AGPAT4: variants seen among roughly 807,000 people sequenced by gnomAD.
The protein encoded by AGPAT4 is 1-acylglycerol-3-phosphate O-acyltransferase 4.
AGPAT4 carries 15 observed loss-of-function variants against 48.0 expected under a neutral mutation model. The observed-to-expected ratio is 0.31, with a 90% confidence interval of 0.21 to 0.48. AGPAT4 has a LOEUF of 0.48. Ranked by LOEUF, AGPAT4 falls within the 20% of genes least tolerant of loss-of-function variation. AGPAT4 has a pLI of 0.99. For synonymous variants in AGPAT4, 178 were observed against 198.7 expected, an observed-to-expected ratio of 0.90 and a Z score of 0.88; for missense variants, 314 against 482.5, an observed-to-expected ratio of 0.65 and a Z score of 3.27.
rs1409292911 is a variant in AGPAT4, at chr6:161,148,536, TA to T, written c.767+650del. 6.6e-6 allele frequency among the ~76,000 whole-genome samples: 1 copy of T among 152,192 alleles called. No homozygotes were observed. Among genetic ancestry groups the T allele is most frequent in the African/African-American group, 2.4e-5 (1 of 41,448 alleles). On this transcript the variant is annotated intron_variant, in intron 6 of 8. Coordinates refer to ENST00000320285, the MANE Select transcript of AGPAT4 (RefSeq NM_020133.3). This position sits in a 1 kb window ranked among gnomAD's most constrained non-coding sequence, Gnocchi z 5.5. ...AGTGGGCATTTCAGATTCTCTTGATTAGCATTCAGAGAAGATGATCCACAGC... is the reference window on the plus strand; with the variant it reads ...AGTGGGCATTTCAGATTCTCTTGATTGCATTCAGAGAAGATGATCCACAGC...
At position 161,270,997 on chromosome 6, in the gene AGPAT4, G is replaced by T. The variant is rs1783405810; in HGVS notation, c.-90+2941C>A. Among the ~76,000 whole-genome samples, 2 of 152,176 alleles carry T rather than the reference G, an allele frequency of 1.3e-5. No homozygotes were observed. The highest frequency in any genetic ancestry group is 2.1e-4 in the South Asian group (1 of 4,824). ...GTTTCATACCTGTTTAAAGTCTAGT[G>T]TAAGTCTGGCCTTTCGTTGTTAAGC... On this transcript the variant is annotated intron_variant, in intron 1 of 8. Transcript: ENST00000320285. This position sits in a 1 kb window ranked among gnomAD's most constrained non-coding sequence, Gnocchi z 5.3.
intron 2 of AGPAT4, among the ~76,000 whole-genome samples, chr6:161,185,768 CG>C (rs1023671348): frequency 1.3e-5 from 2 of 152,126 alleles, no homozygotes; most frequent in African/African-American, 4.8e-5. Flanking sequence ...GCTTGGGCAC[CG>C]CTGCCTCTTC....
chr6:161,242,939 G>T lies in AGPAT4; in HGVS notation c.-89-10637C>A, dbSNP rs901566115. Reference sequence around the variant, plus strand: ...AAAAATTAGCCGGGCGTGGTGGCACGTGCCTCCCAGCTACTCGGGAGACTG... The same window carrying T: ...AAAAATTAGCCGGGCGTGGTGGCACTTGCCTCCCAGCTACTCGGGAGACTG... On this transcript the variant is annotated intron_variant, in intron 1 of 8. Transcript: ENST00000320285. This position sits in a 1 kb window ranked among gnomAD's most constrained non-coding sequence, Gnocchi z 5.0. Among the ~76,000 whole-genome samples, 2 of 152,008 alleles carry T rather than the reference G, an allele frequency of 1.3e-5. No individual in the cohort carries two copies. The highest frequency in any genetic ancestry group is 2.9e-5 in the Non-Finnish European group (2 of 68,002).
chr6:161,256,475 C>A (rs939725403), intron 1 of AGPAT4, among the ~76,000 whole-genome samples: 37 of 152,242 alleles, frequency 2.4e-4, no homozygotes, highest in African/African-American at 8.2e-4. Context: ...CAGCGCTGCT[C>A]TCTGCCGTGT....
In AGPAT4 at chr6:161,226,473, G is replaced by C. The variant is rs149444924; in HGVS notation, c.178+5563C>G. Among the ~76,000 whole-genome samples, 106 of 152,264 alleles carry C rather than the reference G, an allele frequency of 7.0e-4. 1 individual carries two copies. Among genetic ancestry groups the C allele is most frequent in the African/African-American group, 2.5e-3 (103 of 41,542 alleles). ...AAAGCCACAGCGACACTCTCTTTGG[G>C]GGATCAACAGCTTTCTTATCGAGAA... On this transcript the variant is annotated intron_variant, in intron 2 of 8. Transcript: ENST00000320285. This position sits in a 1 kb window ranked among gnomAD's most constrained non-coding sequence, Gnocchi z 6.3.
rs1937249972 is a variant in AGPAT4 at position 161,155,297 on chromosome 6, A to G, written c.349-987T>C. Among the ~76,000 whole-genome samples, 1 of 152,156 alleles carries G rather than the reference A, an allele frequency of 6.6e-6. No individual in the cohort carries two copies. The highest frequency in any genetic ancestry group is 1.5e-5 in the Non-Finnish European group (1 of 68,032). ...TTATCTGATGGATGTTTATCTTTTCACCTTAATTTTGGAACTGGCCAAGAT... is the reference window on the plus strand; with the variant it reads ...TTATCTGATGGATGTTTATCTTTTCGCCTTAATTTTGGAACTGGCCAAGAT... On this transcript the variant is annotated intron_variant, in intron 3 of 8. Coordinates refer to ENST00000320285, the MANE Select transcript of AGPAT4 (RefSeq NM_020133.3). This position sits in a 1 kb window ranked among gnomAD's most constrained non-coding sequence, Gnocchi z 5.8.
rs1196581196 is a variant in AGPAT4, at chr6:161,262,489, T to G, written c.-90+11449A>C. On this transcript the variant is annotated intron_variant, in intron 1 of 8. Transcript: ENST00000320285. This position sits in a 1 kb window ranked among gnomAD's most constrained non-coding sequence, Gnocchi z 4.9. ...AGCTCATTCCTTTTTTTTTTCCCCC[T>G]CCTCATTATTCTCTCATAGCAAATA... 1.3e-5 allele frequency among the ~76,000 whole-genome samples: 2 copies of G among 151,370 alleles called. No individual in the cohort carries two copies. Among genetic ancestry groups the G allele is most frequent in the African/African-American group, 2.4e-5 (1 of 41,148 alleles).
chr6:161,190,771 A>C (rs1562331214), intron 2 of AGPAT4, among the ~76,000 whole-genome samples: 1 of 152,168 alleles, frequency 6.6e-6, no homozygotes, highest in Non-Finnish European at 1.5e-5. Context: ...ATATGATCTA[A>C]AATACCCATC....
Position 161,154,352 on chromosome 6 carries a change from T to G in AGPAT4, c.349-42A>C. On this transcript the variant is annotated intron_variant, in intron 3 of 8. Transcript: ENST00000320285. The surrounding 1 kb of genome is among the most constrained non-coding windows in gnomAD (Gnocchi z 7.8). ...AGCCCAGGTGCCCATGAAGGAGACG[T>G]CAGAGCCACCTGCCGGGGCTGTTGG... The G allele has an allele frequency of 6.2e-7, 1 of 1,611,368 alleles. No homozygotes were observed. The highest frequency in any genetic ancestry group is 1.7e-5 in the Admixed American group (1 of 59,634).
Position 161,202,073 on chromosome 6 carries a change from C to T in AGPAT4, c.178+29963G>A, listed in dbSNP as rs1781253262. 6.6e-6 allele frequency among the ~76,000 whole-genome samples: 1 copy of T among 152,226 alleles called. No individual in the cohort carries two copies. The highest frequency in any genetic ancestry group is 2.1e-4 in the South Asian group (1 of 4,830). Reference sequence around the variant, plus strand: ...GTGGCTCTCATATATACACCCAATACACACTCCTGCATGCCTATATGTCAG... The same window carrying T: ...GTGGCTCTCATATATACACCCAATATACACTCCTGCATGCCTATATGTCAG... On this transcript the variant is annotated intron_variant, in intron 2 of 8. Transcript: ENST00000320285. This position sits in a 1 kb window ranked among gnomAD's most constrained non-coding sequence, Gnocchi z 5.4.
In AGPAT4 at chr6:161,138,494, C is replaced by T. The variant is rs1241946742; in HGVS notation, c.1042+928G>A. Among the ~76,000 whole-genome samples, 2 of 152,142 alleles carry T rather than the reference C, an allele frequency of 1.3e-5. No individual in the cohort carries two copies. The highest frequency in any genetic ancestry group is 2.9e-5 in the Non-Finnish European group (2 of 68,036). The stretch of plus-strand genomic sequence containing the variant: ...GATGCACATATGCTTGAGACTGGAA[C>T]CACCACGTGCATCAAATTGTCATTA... On this transcript the variant is annotated intron_variant, in intron 8 of 8. Coordinates refer to ENST00000320285, the MANE Select transcript of AGPAT4 (RefSeq NM_020133.3). This position sits in a 1 kb window ranked among gnomAD's most constrained non-coding sequence, Gnocchi z 4.8.
chr6:161,202,868 T>TGG lies in AGPAT4; in HGVS notation c.178+29166_178+29167dup, dbSNP rs1485186990. ...GCTACTGCCTTGAAGCTGTCTGCCA[T>TGG]GGGGAAGCCTGGGCTATATGGATAG... On this transcript the variant is annotated intron_variant, in intron 2 of 8. Transcript: ENST00000320285. The surrounding 1 kb of genome is among the most constrained non-coding windows in gnomAD (Gnocchi z 5.4). Among the ~76,000 whole-genome samples, 4 of 152,280 alleles carry TGG rather than the reference T, an allele frequency of 2.6e-5. No homozygotes were observed. The South Asian group carries it at 8.3e-4, about 32-fold the overall frequency.
rs1301367778 is a variant in AGPAT4, at chr6:161,137,209, A to G, written c.1043-575T>C. Among the ~76,000 whole-genome samples the G allele has an allele frequency of 1.3e-5, 2 of 152,216 alleles. No homozygotes were observed. The highest frequency in any genetic ancestry group is 2.9e-5 in the Non-Finnish European group (2 of 68,048). ...CCCAGTTTAATATAGGAAGCTGGAA[A>G]GCAGGGCCTAATGCTCAGAAGTTGC... On this transcript the variant is annotated intron_variant, in intron 8 of 8. Coordinates refer to ENST00000320285, the MANE Select transcript of AGPAT4 (RefSeq NM_020133.3). The surrounding 1 kb of genome is among the most constrained non-coding windows in gnomAD (Gnocchi z 6.1).
At chr6:161,269,283 G>A (rs1177740761) in intron 1 of AGPAT4, among the ~76,000 whole-genome samples, 1 of 152,080 alleles carries the variant, frequency 6.6e-6, no homozygotes, top group Non-Finnish European at 1.5e-5. Context: ...TTCCCATTTA[G>A]TTAATTAACA....
Position 161,132,644 on chromosome 6 carries a change from AT to A in AGPAT4, c.*3895del, listed in dbSNP as rs1286767855. The A allele has an allele frequency of 7.9e-5, 12 of 152,324 alleles. No individual in the cohort carries two copies. The highest frequency in any genetic ancestry group is 2.9e-4 in the African/African-American group (12 of 41,480). 9.4% of individuals were successfully genotyped at this position (152,324 alleles called of 1,614,324 possible). A position where few individuals can be genotyped will look rare whatever the true frequency, so the allele number is the denominator to read the frequency against. ...AGAAAGCATGGTGGAGTCCGAAAGC[AT>A]TGGCAAAGCCAGCACATCTGTGAGC... On this transcript the variant is annotated 3_prime_UTR_variant, in exon 9 of 9. Transcript: ENST00000320285.
chr6:161,255,489 G>A lies in AGPAT4; in HGVS notation c.-90+18449C>T, dbSNP rs1043887958. Among the ~76,000 whole-genome samples the A allele has an allele frequency of 6.6e-6, 1 of 152,158 alleles. No individual in the cohort carries two copies. Among genetic ancestry groups the A allele is most frequent in the African/African-American group, 2.4e-5 (1 of 41,430 alleles). ...AGCCCCAGTGTTCATCAACTGATGC[G>A]TGGATAAATACAATACAGTATATCC... On this transcript the variant is annotated intron_variant, in intron 1 of 8. Transcript: ENST00000320285. The surrounding 1 kb of genome is among the most constrained non-coding windows in gnomAD (Gnocchi z 4.7).
chr6:161,260,736 C>G (rs765805918), intron 1 of AGPAT4, among the ~76,000 whole-genome samples: 19 of 134,878 alleles, frequency 1.4e-4, no homozygotes, highest in Non-Finnish European at 2.9e-4. Flanking sequence ...AAAATACAAA[C>G]ATTAGCTGGG....
In AGPAT4 at chr6:161,212,594, C is replaced by T. The variant is rs1002008476; in HGVS notation, c.178+19442G>A. 2.0e-5 allele frequency among the ~76,000 whole-genome samples: 3 copies of T among 152,134 alleles called. No homozygotes were observed. The highest frequency in any genetic ancestry group is 2.0e-4 in the Admixed American group (3 of 15,266). ...ATGTTATTGGTATGTGTTCCAAAAT[C>T]AGGGTAAACTCCTGTAATTCTAATA... On this transcript the variant is annotated intron_variant, in intron 2 of 8. Transcript: ENST00000320285. This position sits in a 1 kb window ranked among gnomAD's most constrained non-coding sequence, Gnocchi z 6.1.
chr6:161,228,920 A>G (rs1330005992), intron 2 of AGPAT4, among the ~76,000 whole-genome samples: 12 of 151,834 alleles, frequency 7.9e-5, no homozygotes, highest in Non-Finnish European at 1.3e-4. Flanking sequence ...TCGAGATTAC[A>G]TTACTTTCAA....
Sources: gnomAD v4.1 joint callset for allele counts (sites outside exome capture counted in the v4.1 genomes callset) on GRCh38, gnomAD v4.1.1 for gene constraint, Gnocchi (gnomAD v3.1) non-coding constraint, MANE v1.5 for transcripts, NCBI Gene and HGNC (gene_info 2026-07-23, HGNC 2026-07-21) for gene names.